ABI1: variants seen among roughly 807,000 people sequenced by gnomAD.
ABI1 encodes abl interactor 1, also known as Abelson interactor 1.
Under a neutral mutation model 54.6 loss-of-function variants are expected in ABI1, and 14 were observed. The observed-to-expected ratio is 0.26, with a 90% CI of 0.17 to 0.40. The LOEUF (loss-of-function observed/expected upper bound fraction) is 0.40, where lower values mean the gene tolerates loss of function less well. Ranked by LOEUF, ABI1 falls within the 10% of genes least tolerant of loss-of-function variation. The probability of loss-of-function intolerance (pLI) is 1.00; values close to 1 mark genes in which losing one functional copy is unlikely to be tolerated. For synonymous variants in ABI1, 194 were observed against 209.3 expected (o/e 0.93, Z 0.63); for missense variants, 443 against 598.3 (o/e 0.74, Z 2.71).
At chr10:26,841,073 A>G (rs2049461474) in intron 1 of ABI1, among the ~76,000 whole-genome samples, 1 of 152,180 alleles carries the variant, frequency 6.6e-6, no homozygotes, top group South Asian at 2.1e-4. Context: ...CATATCATCT[A>G]TGGTTTTCTT....
chr10:26,785,727 A>G (rs555052292), intron 2 of ABI1, among the ~76,000 whole-genome samples: 30 of 142,300 alleles, frequency 2.1e-4, no homozygotes, highest in East Asian at 4.0e-4. Flanking sequence ...TCTGTCTGGG[A>G]AAAAAAAAAA....
At chr10:26,773,215 C>CTTTTTTTGTTTTTTTTTTTTTTTTTTTTT (rs1840936690) in intron 3 of ABI1, among the ~76,000 whole-genome samples, 1 of 92,528 alleles carries the variant, frequency 1.1e-5, no homozygotes, top group Admixed American at 1.3e-4. Context: ...AATGCTAATT[C>CTTTTTTTGTTTTTTTTTTTTTTTTTTTTT]TTTTTTTTTT....
At chr10:26,839,851 A>C in intron 1 of ABI1, 1 of 689,476 alleles carries the variant, frequency 1.5e-6, no homozygotes. Flanking sequence ...GATGGCAAAA[A>C]TGGTAGCACG....
At chr10:26,765,126 A>C in intron 7 of ABI1, 92 bp downstream of exon 7, 3 of 878,320 alleles carry the variant, frequency 3.4e-6, no homozygotes, top group African/African-American at 1.7e-5. Flanking sequence ...TTAATTAATA[A>C]TTTTACTCAA....
chr10:26,810,179 AGT>A (rs2133542950), intron 2 of ABI1, among the ~76,000 whole-genome samples: 1 of 152,258 alleles, frequency 6.6e-6, no homozygotes, highest in South Asian at 2.1e-4. Flanking sequence ...CTGTGTGATC[AGT>A]GTCAGAACAG....
At chr10:26,810,973 G>A (rs2047193291) in intron 2 of ABI1, among the ~76,000 whole-genome samples, 1 of 151,968 alleles carries the variant, frequency 6.6e-6, no homozygotes, top group African/African-American at 2.4e-5. Context: ...AAATACAAAG[G>A]AAGAAAACCT....
At chr10:26,829,746 A>G (rs560140211) in intron 1 of ABI1, among the ~76,000 whole-genome samples, 10 of 152,338 alleles carry the variant, frequency 6.6e-5, no homozygotes, top group African/African-American at 2.4e-4. Context: ...TAACAATATT[A>G]AAAAGATAAA....
chr10:26,781,501 G>A (rs1475083060), intron 2 of ABI1, among the ~76,000 whole-genome samples: 2 of 152,200 alleles, frequency 1.3e-5, no homozygotes, highest in African/African-American at 4.8e-5. Flanking sequence ...AAGCTGAGAC[G>A]CTGTGGTGCC....
At chr10:26,786,718 T>A (rs968889418) in intron 2 of ABI1, among the ~76,000 whole-genome samples, 1 of 152,314 alleles carries the variant, frequency 6.6e-6, no homozygotes, top group Admixed American at 6.5e-5. Context: ...CGAACACTCA[T>A]TCTCTGTCTC....
In ABI1 at chr10:26,770,277, T is replaced by C; in HGVS notation, c.546A>G (p.Pro182=). 1 of 1,614,092 alleles carries C rather than the reference T, an allele frequency of 6.2e-7. No homozygotes were observed. Among genetic ancestry groups the C allele is most frequent in the East Asian group, 2.2e-5 (1 of 44,870 alleles). The stretch of plus-strand genomic sequence containing the variant: ...TTCCCCGGCCTGACATGGGAGGACT[T>C]GGCGGTTTCTGAGTAGGAGGATTTG... ...SRTNPPTQKP[P]SPPMSGRGTL... Residue 182 remains proline (P), a synonymous_variant, in exon 5 of 11, where the codon CCA becomes CCG. Transcript: ENST00000376140.
Position 26,844,656 on chromosome 10 carries a change from T to C in ABI1, c.117+16091A>G, listed in dbSNP as rs375494376. On this transcript the variant is annotated intron_variant, in intron 1 of 10. Transcript: ENST00000376140. The stretch of plus-strand genomic sequence containing the variant: ...AAGCTGGAAAGTGTCAGAAACCAAC[T>C]GTGTACTAACAGCTGAAAAAGAGGG... Among the ~76,000 whole-genome samples the C allele has an allele frequency of 1.2e-3, 180 of 152,320 alleles. 1 individual carries two copies. The South Asian group carries it at 0.015, about 13-fold the overall frequency.
At chr10:26,846,006 C>T (rs1397469085) in intron 1 of ABI1, among the ~76,000 whole-genome samples, 1 of 151,728 alleles carries the variant, frequency 6.6e-6, no homozygotes, top group Non-Finnish European at 1.5e-5. Flanking sequence ...TAGCCAGGCA[C>T]GGTGGTGGGT....
chr10:26,790,294 G>C (rs999683709), intron 2 of ABI1, among the ~76,000 whole-genome samples: 1 of 152,114 alleles, frequency 6.6e-6, no homozygotes, highest in Admixed American at 6.5e-5. Context: ...GCCAGCATCT[G>C]TTATTTTTTT....
chr10:26,795,312 G>C (rs1844015347), intron 2 of ABI1, among the ~76,000 whole-genome samples: 1 of 152,010 alleles, frequency 6.6e-6, no homozygotes, highest in Non-Finnish European at 1.5e-5. Flanking sequence ...TATTGGAAGG[G>C]AGAAGAAATG....
chr10:26,797,522 C>T (rs1255569011), intron 2 of ABI1, among the ~76,000 whole-genome samples: 2 of 152,078 alleles, frequency 1.3e-5, no homozygotes, highest in Non-Finnish European at 2.9e-5. Flanking sequence ...AAAATGAAGT[C>T]CAAAGATAAC....
intron 1 of ABI1, among the ~76,000 whole-genome samples, chr10:26,833,998 G>A (rs983256118): frequency 2.6e-5 from 4 of 152,206 alleles, no homozygotes; most frequent in Admixed American, 2.6e-4. Flanking sequence ...GAAGGCCAAA[G>A]TGGGTGGATC....
intron 1 of ABI1, among the ~76,000 whole-genome samples, chr10:26,833,595 T>C (rs2048829127): frequency 6.6e-6 from 1 of 152,204 alleles, no homozygotes; most frequent in South Asian, 2.1e-4. Context: ...CCAAAACATT[T>C]GCTTCCTTCC....
chr10:26,760,943 T>A (rs148719317), intron 7 of ABI1, among the ~76,000 whole-genome samples: 2,587 of 149,896 alleles, frequency 0.017, 73 homozygotes, highest in African/African-American at 0.055. Flanking sequence ...GTTTTTTTTT[T>A]AATTTATTTT....
At chr10:26,753,951 G>T (rs1297703737) in intron 9 of ABI1, among the ~76,000 whole-genome samples, 1 of 152,124 alleles carries the variant, frequency 6.6e-6, no homozygotes, top group Admixed American at 6.5e-5. Context: ...TTACCAAATA[G>T]CTAGTCAGTC....
Sources: gnomAD v4.1 joint callset for allele counts (sites outside exome capture counted in the v4.1 genomes callset) on GRCh38, gnomAD v4.1.1 for gene constraint, MANE v1.5 for transcripts, NCBI Gene and HGNC (gene_info 2026-07-23, HGNC 2026-07-21) for gene names.